Variants in MAP3K15 observed in about 807,000 individuals in gnomAD.
MAP3K15 encodes MAPK/ERK kinase kinase 15.
In MAP3K15, 124 loss-of-function variants were observed where a neutral mutation model predicts 99.5. The ratio of observed to expected loss-of-function variants is 1.25; its 90% CI spans 1.08 to 1.45. MAP3K15 has a LOEUF of 1.45. Ranked by LOEUF, MAP3K15 falls within the 40% of genes most tolerant of loss-of-function variation. The pLI, the probability that MAP3K15 is intolerant of heterozygous loss-of-function variation, is 0.00. For missense variants in MAP3K15, 1,242 were observed against 1,079.7 expected (o/e 1.15, Z -2.11); for synonymous variants, 494 against 439.6 (o/e 1.12, Z -1.55).
chrX:19,478,732 T>C (rs755502029), intron 3 of MAP3K15, among the ~76,000 whole-genome samples: 1 of 96,282 alleles, frequency 1.0e-5, no homozygotes, highest in South Asian at 5.4e-4. Context: ...ACCAGATTAG[T>C]TTTTTAATAA....
chrX:19,404,730 T>C lies in MAP3K15; in HGVS notation c.1844+2458A>G, dbSNP rs1342694871. Among the ~76,000 whole-genome samples the C allele has an allele frequency of 5.4e-5, 6 of 110,983 alleles. No individual in the cohort carries two copies. In the Admixed American group the frequency reaches 5.8e-4, roughly 11 times the overall value. On this transcript the variant is annotated intron_variant, in intron 13 of 28. Transcript: ENST00000338883. ...GTGGTCAACTGATTTCCAAAAAGAG[T>C]ACCAAGACCACTCAATCAGGGAAAG...
chrX:19,398,063 CAAA>C (rs147279112), intron 15 of MAP3K15, among the ~76,000 whole-genome samples, 160 bp downstream of exon 15: 36 of 50,227 alleles, frequency 7.2e-4, no homozygotes, highest in African/African-American at 1.7e-3. Flanking sequence ...GACTCCGTTT[CAAA>C]AAAAAAAAAA....
At chrX:19,504,328 G>A (rs918739802) in intron 1 of MAP3K15, among the ~76,000 whole-genome samples, 1 of 111,085 alleles carries the variant, frequency 9.0e-6, no homozygotes, top group African/African-American at 3.3e-5. Flanking sequence ...ATGGAGGAGT[G>A]CGTCACCTAA....
Position 19,514,907 on chromosome X carries a change from C to T in MAP3K15, c.355G>A (p.Asp119Asn), listed in dbSNP as rs1456668678. The change falls in exon 1 of 29, where the codon GAC (aspartate) becomes AAC (asparagine). Residue 119 changes from aspartate (D) to asparagine (N), a missense_variant. Coordinates refer to ENST00000338883, the MANE Select transcript of MAP3K15 (RefSeq NM_001001671.4). ...GETAVLDAFYDADVAVVDMSD... is the reference protein window; with the variant it reads ...GETAVLDAFYNADVAVVDMSD... ...GGGACGAAGCCGCTCTCACCTGCGT[C>T]GTAGAAGGCGTCGAGCACGGCCGTC... 25 of 1,116,142 alleles carry T rather than the reference C, an allele frequency of 2.2e-5. No homozygotes were observed. The highest frequency in any genetic ancestry group is 3.9e-5 in the African/African-American group (2 of 50,936). 92.0% of individuals were successfully genotyped at this position (1,116,142 alleles called of 1,213,427 possible).
At chrX:19,400,110 T>C (rs966407582) in intron 14 of MAP3K15, among the ~76,000 whole-genome samples, 2 of 112,277 alleles carry the variant, frequency 1.8e-5, no homozygotes, top group African/African-American at 6.5e-5. Context: ...ACCTGTACAA[T>C]GGTTTAGCAA....
At chrX:19,382,726 A>G (rs1393439462) in intron 18 of MAP3K15, among the ~76,000 whole-genome samples, 1 of 111,760 alleles carries the variant, frequency 8.9e-6, no homozygotes. Context: ...CAGAGCCCCA[A>G]GAAGGGAACA....
rs747344587 is a variant in MAP3K15, at chrX:19,380,213, G to A, written c.2496C>T (p.Ala832=). 28 of 1,201,983 alleles carry A rather than the reference G, an allele frequency of 2.3e-5. 1 individual carries two copies. The highest frequency in any genetic ancestry group is 1.6e-4 in the South Asian group (9 of 55,330). ...DQGPRGYGAP[A]DIWSLGCTII... ...TGGTGCAGCCCAGGGACCAGATATC[G>A]GCTGGGGCACCATATCCGCGAGGCC... Residue 832 remains alanine (A), a synonymous_variant, in exon 19 of 29, where the codon GCC becomes GCT. Transcript: ENST00000338883.
chrX:19,500,640 C>A (rs757107707), intron 1 of MAP3K15, among the ~76,000 whole-genome samples: 2 of 112,108 alleles, frequency 1.8e-5, no homozygotes, highest in East Asian at 5.6e-4. Flanking sequence ...CCATCACATG[C>A]AATTGCCAAA....
intron 3 of MAP3K15, among the ~76,000 whole-genome samples, chrX:19,484,252 A>G (rs1246481820): frequency 9.0e-6 from 1 of 111,162 alleles, no homozygotes; most frequent in Non-Finnish European, 1.9e-5. Flanking sequence ...GTGACATTAG[A>G]TTCTTACAGG....
chrX:19,507,026 AT>A (rs2064482043), intron 1 of MAP3K15, among the ~76,000 whole-genome samples: 1 of 112,255 alleles, frequency 8.9e-6, no homozygotes, highest in Non-Finnish European at 1.9e-5. Flanking sequence ...CACAACAGGT[AT>A]GGGAAGATCA....
intron 1 of MAP3K15, among the ~76,000 whole-genome samples, chrX:19,510,223 C>G (rs1449449794): frequency 8.9e-6 from 1 of 111,804 alleles, no homozygotes; most frequent in African/African-American, 3.3e-5. Context: ...CCAGCATTAT[C>G]CTGATTCCAA....
At chrX:19,456,148 G>A (rs887913595) in intron 6 of MAP3K15, among the ~76,000 whole-genome samples, 13 of 111,105 alleles carry the variant, frequency 1.2e-4, no homozygotes, top group South Asian at 7.8e-4. Context: ...CTATATACCC[G>A]AGAAATGTAT....
chrX:19,402,530 T>C (rs1044782325), intron 13 of MAP3K15, among the ~76,000 whole-genome samples: 2 of 111,685 alleles, frequency 1.8e-5, no homozygotes, highest in Admixed American at 9.5e-5. Flanking sequence ...AGAATGTTCA[T>C]AGTCATTTTC....
intron 25 of MAP3K15, among the ~76,000 whole-genome samples, chrX:19,367,900 C>T (rs1324479264): frequency 8.5e-5 from 9 of 105,938 alleles, no homozygotes; most frequent in Non-Finnish European, 1.2e-4. Flanking sequence ...AGGCAAGTTC[C>T]ACCACGCCCA....
intron 5 of MAP3K15, among the ~76,000 whole-genome samples, chrX:19,458,290 C>T (rs897652838): frequency 1.8e-5 from 2 of 112,216 alleles, no homozygotes; most frequent in African/African-American, 6.5e-5. Context: ...AGCAGCAGCT[C>T]GAGGGAAGAA....
intron 24 of MAP3K15, 59 bp from the exon 25 acceptor site, chrX:19,369,278 C>A: frequency 8.5e-7 from 1 of 1,176,735 alleles, no homozygotes; most frequent in South Asian, 1.8e-5. Flanking sequence ...GGCCTGGGGT[C>A]GCAGACACCC....
At chrX:19,386,237 C>T in intron 18 of MAP3K15, among the ~76,000 whole-genome samples, 1 of 111,509 alleles carries the variant, frequency 9.0e-6, no homozygotes. Context: ...AGGTGGATGG[C>T]TTGAGGTCAG....
chrX:19,442,260 C>T (rs1358729429), intron 6 of MAP3K15, among the ~76,000 whole-genome samples: 2 of 111,611 alleles, frequency 1.8e-5, no homozygotes, highest in Non-Finnish European at 3.8e-5. Flanking sequence ...TGGGCCACAC[C>T]CTACTTCAAT....
intron 13 of MAP3K15, among the ~76,000 whole-genome samples, chrX:19,403,099 T>C (rs977606200): frequency 8.9e-6 from 1 of 111,748 alleles, no homozygotes; most frequent in South Asian, 3.7e-4. Context: ...GGAGGGAGTT[T>C]AATGACTGTG....
Sources: gnomAD v4.1 joint callset for allele counts (sites outside exome capture counted in the v4.1 genomes callset) on GRCh38, gnomAD v4.1.1 for gene constraint, MANE v1.5 for transcripts, NCBI Gene and HGNC (gene_info 2026-07-23, HGNC 2026-07-21) for gene names.